IL10RA: variants seen among roughly 807,000 people sequenced by gnomAD.
The protein encoded by IL10RA is interleukin-10 receptor subunit alpha.
Under a neutral mutation model 29.6 loss-of-function variants are expected in IL10RA, and 18 were observed. That is an observed-to-expected ratio of 0.61 (90% CI 0.42 to 0.90). The LOEUF (loss-of-function observed/expected upper bound fraction) is 0.90. Among genes scored for constraint, IL10RA ranks in the 40% least tolerant of loss-of-function variants. The probability of loss-of-function intolerance (pLI) is 0.00; values close to 1 mark genes in which losing one functional copy is unlikely to be tolerated. For synonymous variants in IL10RA, 292 were observed against 294.1 expected, an observed-to-expected ratio of 0.99 and a Z score of 0.07; for missense variants, 634 against 716.6, an observed-to-expected ratio of 0.88 and a Z score of 1.32.
At chr11:117,993,039 G>C in intron 3 of IL10RA, 1 of 586,398 alleles carries the variant, frequency 1.7e-6, no homozygotes, top group Non-Finnish European at 3.1e-6. Context: ...ATTGGTTGAT[G>C]CATCTGATTT....
chr11:117,993,955 A>G (rs776979941), intron 4 of IL10RA, 44 bp from the exon 5 acceptor site: 3 of 1,582,572 alleles, frequency 1.9e-6, no homozygotes, highest in South Asian at 2.2e-5. Context: ...TCCGTGTGCC[A>G]TGAAATAAAA....
At chr11:117,994,214 C>G in intron 5 of IL10RA, 65 bp downstream of exon 5, 1 of 1,459,568 alleles carries the variant, frequency 6.9e-7, no homozygotes, top group Non-Finnish European at 9.5e-7. Context: ...CAATCCAAAA[C>G]GCGTGCACCT....
chr11:117,989,399 G>A lies in IL10RA; in HGVS notation c.189-43G>A. The A allele has an allele frequency of 6.4e-7, 1 of 1,571,102 alleles. No individual in the cohort carries two copies. Among genetic ancestry groups the A allele is most frequent in the Non-Finnish European group, 8.8e-7 (1 of 1,140,778 alleles). ...CGTCTCCCTTAAAGGAGGTAGGATT[G>A]AGCACAAGCTCGTTTCCAGTGCCTA... On this transcript the variant is annotated intron_variant, in intron 2 of 6. Transcript: ENST00000227752. The surrounding 1 kb of genome is among the most constrained non-coding windows in gnomAD (Gnocchi z 4.5).
intron 6 of IL10RA, among the ~76,000 whole-genome samples, chr11:117,997,973 G>A (rs182654203): frequency 3.0e-4 from 45 of 152,238 alleles, no homozygotes; most frequent in African/African-American, 1.0e-3. Context: ...GAGGCAGCAC[G>A]GTGCTTGATG....
rs1565375294 is a variant in IL10RA at position 118,001,075 on chromosome 11, AC to A, written c.*1439del. On this transcript the variant is annotated 3_prime_UTR_variant, in exon 7 of 7. Coordinates refer to ENST00000227752, the MANE Select transcript of IL10RA (RefSeq NM_001558.4). Reference sequence around the variant, plus strand: ...TTCTGGCCCAGGGAATCCAGCCATGACCCCCACCCCTCTGCCAAAGTACTCT... The same window carrying A: ...TTCTGGCCCAGGGAATCCAGCCATGACCCCACCCCTCTGCCAAAGTACTCT... The A allele has an allele frequency of 4.4e-6, 2 of 453,968 alleles. No homozygotes were observed. The highest frequency in any genetic ancestry group is 3.1e-5 in the South Asian group (2 of 64,458). The allele number at this position is 453,968 out of a possible 1,614,324, so 28.1% of individuals were successfully genotyped here.
At chr11:117,988,525 G>C (rs544047070) in intron 2 of IL10RA, 23 bp downstream of exon 2, 3 of 1,613,176 alleles carry the variant, frequency 1.9e-6, no homozygotes, top group African/African-American at 2.7e-5. Context: ...GAAGAGGGAG[G>C]GGGAGGGAGG....
At chr11:117,998,642 C>A in intron 6 of IL10RA, 73 bp from the exon 7 acceptor site, 1 of 1,352,456 alleles carries the variant, frequency 7.4e-7, no homozygotes, top group Non-Finnish European at 1.1e-6. Flanking sequence ...CTGGGCCTGG[C>A]CTTCCCCGGC....
Position 117,999,681 on chromosome 11 carries a change from C to G in IL10RA, c.*40C>G. On this transcript the variant is annotated 3_prime_UTR_variant, in exon 7 of 7. Coordinates refer to ENST00000227752, the MANE Select transcript of IL10RA (RefSeq NM_001558.4). ...CTGCTTTTGATTTTAGCCATGCCTG[C>G]TCCTCTGCCTGGACCAGGAGGAGGG... 6.4e-7 allele frequency: 1 copy of G among 1,557,550 alleles called. No individual in the cohort carries two copies. Among genetic ancestry groups the G allele is most frequent in the Non-Finnish European group, 8.8e-7 (1 of 1,130,862 alleles).
Position 117,994,088 on chromosome 11 carries a change from C to T in IL10RA, c.627C>T (p.Val209=), listed in dbSNP as rs757785268. The T allele has an allele frequency of 1.4e-5, 22 of 1,613,922 alleles. 1 individual carries two copies. Among genetic ancestry groups the T allele is most frequent in the South Asian group, 1.3e-4 (12 of 91,088 alleles). Residue 209 remains valine, a synonymous_variant, in exon 5 of 7, where the codon GTC becomes GTT. Coordinates refer to ENST00000227752, the MANE Select transcript of IL10RA (RefSeq NM_001558.4). ...GEFCVQVKPS[V]ASRSNKGMWS... is the part of the protein sequence containing the mutation. ...TCTGTGTCCAGGTGAAACCATCTGT[C>T]GCTTCCCGAAGTAACAAGGGGATGT...
chr11:117,998,297 C>A (rs2058068970), intron 6 of IL10RA, among the ~76,000 whole-genome samples: 2 of 152,170 alleles, frequency 1.3e-5, no homozygotes, highest in African/African-American at 4.8e-5. Flanking sequence ...AAACTGGTTT[C>A]AGTTATTTAC....
Position 117,986,417 on chromosome 11 carries a change from A to T in IL10RA, c.-51A>T. 1 of 1,521,344 alleles carries T rather than the reference A, an allele frequency of 6.6e-7. No individual in the cohort carries two copies. The highest frequency in any genetic ancestry group is 8.9e-7 in the Non-Finnish European group (1 of 1,124,314). The allele number at this position is 1,521,344 out of a possible 1,614,324, so 94.2% of individuals were successfully genotyped here. On this transcript the variant is annotated 5_prime_UTR_variant, in exon 1 of 7. Coordinates refer to ENST00000227752, the MANE Select transcript of IL10RA (RefSeq NM_001558.4). Reference sequence around the variant, plus strand: ...TCAGTCCCAGCCCAAGGGTAGCTGGAGGCGCGCAGGCCGGCTCCGCTCCGG... The same window carrying T: ...TCAGTCCCAGCCCAAGGGTAGCTGGTGGCGCGCAGGCCGGCTCCGCTCCGG...
chr11:117,993,442 A>T (rs1236916655), intron 4 of IL10RA, 32 bp downstream of exon 4: 1 of 1,601,778 alleles, frequency 6.2e-7, no homozygotes, highest in Admixed American at 1.7e-5. Context: ...CAGGGCCAGA[A>T]CTCCCTTGGC....
In IL10RA at chr11:117,989,110, C is replaced by T. The variant is rs1956327498; in HGVS notation, c.189-332C>T. ...AAAAGGAGAAGCATCCACAGTACAG[C>T]CAGACAACAGGGGAACACTAATGAC... On this transcript the variant is annotated intron_variant, in intron 2 of 6. Transcript: ENST00000227752. The surrounding 1 kb of genome is among the most constrained non-coding windows in gnomAD (Gnocchi z 4.5). Among the ~76,000 whole-genome samples, 1 of 152,220 alleles carries T rather than the reference C, an allele frequency of 6.6e-6. No individual in the cohort carries two copies. Among genetic ancestry groups the T allele is most frequent in the Admixed American group, 6.5e-5 (1 of 15,278 alleles).
chr11:117,989,158 G>A lies in IL10RA; in HGVS notation c.189-284G>A, dbSNP rs936560138. The stretch of plus-strand genomic sequence containing the variant: ...GACTGTAAAGGCAGTGGGGAGAAGG[G>A]AGAGACCAGGCTGTGCTGTAGGAGC... On this transcript the variant is annotated intron_variant, in intron 2 of 6. Transcript: ENST00000227752. The surrounding 1 kb of genome is among the most constrained non-coding windows in gnomAD (Gnocchi z 4.5). Among the ~76,000 whole-genome samples the A allele has an allele frequency of 5.3e-5, 8 of 152,346 alleles. No homozygotes were observed. Among genetic ancestry groups the A allele is most frequent in the Middle Eastern group, 6.8e-3 (2 of 294 alleles).
chr11:117,994,206 A>G (rs1160422897), intron 5 of IL10RA, 57 bp downstream of exon 5: 1 of 1,531,772 alleles, frequency 6.5e-7, no homozygotes, highest in African/African-American at 1.4e-5. Context: ...GCCTGGTGCA[A>G]TCCAAAACGC....
chr11:117,999,287 C>G lies in IL10RA; in HGVS notation c.1383C>G (p.Gly461=). Reference sequence around the variant, plus strand: ...CTGAAGAGAAGGCAACCAAGACAGGCTGCCTGGAGGAAGAATCGCCCTTGA... The same window carrying G: ...CTGAAGAGAAGGCAACCAAGACAGGGTGCCTGGAGGAAGAATCGCCCTTGA... ...RCAEEKATKT[G]CLEEESPLTD... The change falls in exon 7 of 7, where the codon GGC becomes GGG. Residue 461 remains glycine, a synonymous_variant. Coordinates refer to ENST00000227752, the MANE Select transcript of IL10RA (RefSeq NM_001558.4). 1 of 1,614,198 alleles carries G rather than the reference C, an allele frequency of 6.2e-7. No homozygotes were observed. The highest frequency in any genetic ancestry group is 8.5e-7 in the Non-Finnish European group (1 of 1,179,998).
At chr11:117,987,663 T>A (rs929053169) in intron 1 of IL10RA, 3 of 154,610 alleles carry the variant, frequency 1.9e-5, no homozygotes, top group Non-Finnish European at 2.9e-5. Context: ...CCATGGTGAA[T>A]GGTGTGTACT....
intron 6 of IL10RA, among the ~76,000 whole-genome samples, chr11:117,997,655 TA>T (rs1285300402): frequency 6.6e-6 from 1 of 152,148 alleles, no homozygotes; most frequent in East Asian, 1.9e-4. Flanking sequence ...GGAGACAGGG[TA>T]GTAAACAACA....
In IL10RA at chr11:117,998,920, A is replaced by G. The variant is rs1458105264; in HGVS notation, c.1016A>G (p.Asp339Gly). ...QTEEPQFLLP[D>G]PHPQADRTLG... The stretch of plus-strand genomic sequence containing the variant: ...GAAGAGCCCCAGTTCCTCCTCCCTG[A>G]CCCTCACCCCCAGGCTGACAGAACG... Residue 339 changes from aspartate to glycine, a missense_variant, in exon 7 of 7, where the codon GAC (aspartate) becomes GGC (glycine). Coordinates refer to ENST00000227752, the MANE Select transcript of IL10RA (RefSeq NM_001558.4). 6.2e-7 allele frequency: 1 copy of G among 1,613,806 alleles called. No homozygotes were observed. The highest frequency in any genetic ancestry group is 2.2e-5 in the East Asian group (1 of 44,876).
Sources: allele counts gnomAD v4.1 joint callset (sites outside exome capture counted in the v4.1 genomes callset), GRCh38; gene constraint gnomAD v4.1.1; non-coding constraint Gnocchi (gnomAD v3.1); transcripts MANE v1.5; gene names NCBI Gene and HGNC (gene_info 2026-07-23, HGNC 2026-07-21).